AKAP7: variants seen among roughly 807,000 people sequenced by gnomAD.
AKAP7 encodes A kinase (PRKA) anchor protein 7.
AKAP7 carries 39 observed loss-of-function variants against 39.5 expected under a neutral mutation model. The observed-to-expected ratio is 0.99, with a 90% CI of 0.76 to 1.29. The LOEUF is 1.29. AKAP7 is among the 50% of genes most tolerant of loss of function. The pLI, the probability that AKAP7 is intolerant of heterozygous loss-of-function variation, is 0.00. For missense variants in AKAP7, 414 were observed against 407.7 expected (o/e 1.02, Z -0.13); for synonymous variants, 140 against 139.1 (o/e 1.01, Z -0.05).
At chr6:131,255,244 A>T (rs1263672204) in intron 7 of AKAP7, among the ~76,000 whole-genome samples, 2 of 152,182 alleles carry the variant, frequency 1.3e-5, no homozygotes, top group Non-Finnish European at 2.9e-5. Context: ...ACCCTAACAT[A>T]GCGTGTTACC....
chr6:131,280,478 A>G (rs528349961), intron 7 of AKAP7, among the ~76,000 whole-genome samples: 5 of 152,264 alleles, frequency 3.3e-5, no homozygotes, highest in African/African-American at 9.6e-5. Context: ...AACAGTGTCC[A>G]TCTTCCAGCT....
intron 6 of AKAP7, among the ~76,000 whole-genome samples, chr6:131,212,217 T>A (rs182749097): frequency 1.4e-4 from 21 of 152,344 alleles, no homozygotes; most frequent in African/African-American, 4.1e-4. Flanking sequence ...AGGGGAAATT[T>A]CACAATTAAA....
At chr6:131,271,289 T>C (rs1238038898) in intron 7 of AKAP7, among the ~76,000 whole-genome samples, 1 of 152,196 alleles carries the variant, frequency 6.6e-6, no homozygotes, top group Non-Finnish European at 1.5e-5. Context: ...ATAATTATTC[T>C]AGTACCATTC....
At chr6:131,181,776 C>T (rs185353452) in intron 5 of AKAP7, among the ~76,000 whole-genome samples, 68 of 152,242 alleles carry the variant, frequency 4.5e-4, no homozygotes, top group African/African-American at 1.6e-3. Flanking sequence ...TGCTGCCATC[C>T]CATGGAAACT....
At chr6:131,230,102 G>T (rs970727751) in intron 7 of AKAP7, among the ~76,000 whole-genome samples, 1 of 152,200 alleles carries the variant, frequency 6.6e-6, no homozygotes, top group African/African-American at 2.4e-5. Context: ...TTTCATCTGG[G>T]TGTATACCCA....
intron 7 of AKAP7, among the ~76,000 whole-genome samples, chr6:131,239,090 T>C (rs527294074): frequency 6.6e-6 from 1 of 152,316 alleles, no homozygotes; most frequent in South Asian, 2.1e-4. Context: ...GGAGCTCTTT[T>C]AGGGCAGGCC....
intron 2 of AKAP7, among the ~76,000 whole-genome samples, chr6:131,149,308 TATCCAAATGCATGTACA>T (rs1485578966): frequency 2.6e-5 from 4 of 152,176 alleles, no homozygotes; most frequent in Non-Finnish European, 5.9e-5. Context: ...AGAAGTAAAA[TATCCAAATGCATGTACA>T]ATGGAAATCT....
chr6:131,218,797 G>T (rs1809433093), intron 6 of AKAP7, among the ~76,000 whole-genome samples: 1 of 152,114 alleles, frequency 6.6e-6, no homozygotes, highest in Non-Finnish European at 1.5e-5. Flanking sequence ...GAATTTGGAA[G>T]ATCCACTGAC....
intron 7 of AKAP7, among the ~76,000 whole-genome samples, chr6:131,279,235 A>C (rs1255300098): frequency 6.6e-6 from 1 of 152,174 alleles, no homozygotes; most frequent in African/African-American, 2.4e-5. Context: ...TAGTAACAGC[A>C]TAAACAAAAA....
rs1165873150 is a variant in AKAP7 at position 131,180,264 on chromosome 6, T to C, written c.589+10991T>C. ...TTAAGACTAACCCCTTCAGCTGTGT[T>C]CTTGGTCTGCTGGACTCAACCAGGA... On this transcript the variant is annotated intron_variant, in intron 5 of 7. Transcript: ENST00000431975. 2.6e-5 allele frequency among the ~76,000 whole-genome samples: 4 copies of C among 152,338 alleles called. No homozygotes were observed. In the East Asian group the frequency reaches 7.7e-4, roughly 29 times the overall value.
At chr6:131,145,967 G>C (rs6942184) in intron 2 of AKAP7, among the ~76,000 whole-genome samples, 97,730 of 152,068 alleles carry the variant, frequency 0.64, 32,398 homozygotes, top group African/African-American at 0.77. Context: ...ATTGACGTGT[G>C]TCACAAAATG....
chr6:131,131,862 GT>G (rs2128220248), upstream of AKAP7, among the ~76,000 whole-genome samples: 1 of 152,266 alleles, frequency 6.6e-6, no homozygotes, highest in East Asian at 1.9e-4. Context: ...ATGTACTGAT[GT>G]GGGAAACAAA....
upstream of AKAP7, among the ~76,000 whole-genome samples, chr6:131,133,254 T>G (rs1800367605): frequency 6.6e-6 from 1 of 152,214 alleles, no homozygotes; most frequent in African/African-American, 2.4e-5. Flanking sequence ...ATTTTTTGAG[T>G]ATTATTATGG....
chr6:131,221,603 C>T (rs947850958), intron 7 of AKAP7, among the ~76,000 whole-genome samples: 7 of 152,158 alleles, frequency 4.6e-5, no homozygotes, highest in African/African-American at 1.7e-4. Context: ...TTTCAAAGAA[C>T]AGGCCGACTC....
At chr6:131,278,036 T>C (rs1414043995) in intron 7 of AKAP7, among the ~76,000 whole-genome samples, 3 of 152,304 alleles carry the variant, frequency 2.0e-5, no homozygotes, top group African/African-American at 4.8e-5. Context: ...TTTCTGGTCA[T>C]TGGTGTGCTG....
At position 131,219,666 on chromosome 6, in the gene AKAP7, G is replaced by A; in HGVS notation, c.708G>A (p.Val236=). The change falls in exon 7 of 8, where the codon GTG becomes GTA. Residue 236 remains valine (V), a synonymous_variant. Coordinates refer to ENST00000431975, the MANE Select transcript of AKAP7 (RefSeq NM_016377.4). ...SKSPWLRKNG[V]KKIDPDLYEK... ...ATTTGTTTTTTCATTTCAAGGGAGT[G>A]AAAAAAATAGATCCTGATTTATATG... The A allele has an allele frequency of 6.3e-7, 1 of 1,590,734 alleles. No homozygotes were observed. Among genetic ancestry groups the A allele is most frequent in the Non-Finnish European group, 8.5e-7 (1 of 1,170,140 alleles).
At chr6:131,236,032 T>C (rs1811024764) in intron 7 of AKAP7, among the ~76,000 whole-genome samples, 1 of 152,196 alleles carries the variant, frequency 6.6e-6, no homozygotes, top group African/African-American at 2.4e-5. Context: ...GTTTTTATGG[T>C]TTTAGGTCTA....
chr6:131,257,545 T>C (rs561134052), intron 7 of AKAP7, among the ~76,000 whole-genome samples: 5 of 152,266 alleles, frequency 3.3e-5, no homozygotes, highest in South Asian at 2.1e-4. Flanking sequence ...CCCCCACTTC[T>C]TGGGGTCTTG....
chr6:131,254,486 A>G (rs1413696466), intron 7 of AKAP7, among the ~76,000 whole-genome samples: 3 of 152,240 alleles, frequency 2.0e-5, no homozygotes, highest in Non-Finnish European at 4.4e-5. Flanking sequence ...ATAACTATGT[A>G]GATACCTCTG....
Sources: allele counts gnomAD v4.1 joint callset (sites outside exome capture counted in the v4.1 genomes callset), GRCh38; gene constraint gnomAD v4.1.1; transcripts MANE v1.5; gene names NCBI Gene and HGNC (gene_info 2026-07-23, HGNC 2026-07-21).